The following DAAM1 variants were observed in gnomAD, a reference collection of about 807,000 sequenced individuals.
DAAM1 encodes the protein dishevelled associated activator of morphogenesis 1, also known as disheveled-associated activator of morphogenesis 1.
A neutral mutation model predicts 130.0 loss-of-function variants in DAAM1; 52 were observed. That is an observed-to-expected ratio of 0.40 (90% CI 0.32 to 0.50). The LOEUF (loss-of-function observed/expected upper bound fraction) is 0.50, where lower values mean the gene tolerates loss of function less well. Among genes scored for constraint, DAAM1 ranks in the 20% least tolerant of loss-of-function variants. DAAM1 has a pLI of 0.61. For missense variants in DAAM1, 1,134 were observed against 1,303.8 expected, an observed-to-expected ratio of 0.87 and a Z score of 2.01; for synonymous variants, 452 against 444.5, an observed-to-expected ratio of 1.02 and a Z score of -0.21.
intron 2 of DAAM1, among the ~76,000 whole-genome samples, chr14:59,282,047 T>G (rs1379883705): frequency 2.0e-4 from 31 of 152,202 alleles, no homozygotes; most frequent in Admixed American, 2.0e-3. Context: ...GTTCATTGTC[T>G]GCAGTGCTTT....
intron 1 of DAAM1, among the ~76,000 whole-genome samples, chr14:59,259,926 C>A (rs906468397): frequency 1.3e-5 from 2 of 152,144 alleles, no homozygotes; most frequent in Non-Finnish European, 2.9e-5. Context: ...CGTCTATAGT[C>A]CCAGCTACTG....
chr14:59,292,761 C>T (rs1309570015), intron 3 of DAAM1, among the ~76,000 whole-genome samples: 1 of 152,152 alleles, frequency 6.6e-6, no homozygotes, highest in African/African-American at 2.4e-5. Flanking sequence ...GATCTCTGAG[C>T]CTCTATCAGA....
intron 1 of DAAM1, among the ~76,000 whole-genome samples, chr14:59,248,462 G>A (rs1881494178): frequency 6.6e-6 from 1 of 152,146 alleles, no homozygotes; most frequent in Admixed American, 6.5e-5. Context: ...AGAAGTGTTT[G>A]TTTAGCTATG....
At chr14:59,281,588 A>G (rs1372188083) in intron 2 of DAAM1, among the ~76,000 whole-genome samples, 1 of 152,040 alleles carries the variant, frequency 6.6e-6, no homozygotes, top group Admixed American at 6.6e-5. Flanking sequence ...CATGTCATGA[A>G]GGGACCTTTA....
intron 16 of DAAM1, among the ~76,000 whole-genome samples, chr14:59,344,950 A>G (rs1460402022): frequency 1.4e-5 from 2 of 142,050 alleles, no homozygotes; most frequent in Non-Finnish European, 3.0e-5. Context: ...ACACAGAACT[A>G]ATTTTTTTTT....
rs376120007 is a variant in DAAM1, at chr14:59,368,670, G to C, written c.3018G>C (p.Arg1006Ser). The C allele has an allele frequency of 6.2e-7, 1 of 1,613,090 alleles. No individual in the cohort carries two copies. The highest frequency in any genetic ancestry group is 1.3e-5 in the African/African-American group (1 of 74,854). The change falls in exon 25 of 25, where the codon AGG (arginine) becomes AGC (serine). Residue 1006 changes from arginine (R) to serine (S), a missense_variant. Arg to Ser is a moderately radical substitution (Grantham distance 110). Coordinates refer to ENST00000360909, the MANE Select transcript of DAAM1 (RefSeq NM_001270520.2). ...MEAQLKEQRE[R>S]ERKMRKAKEN... ...TGCAGCTCAAAGAACAACGTGAAAG[G>C]GAACGTAAAATGAGAAAAGCTAAAG...
chr14:59,268,060 G>A (rs901749006), intron 2 of DAAM1, among the ~76,000 whole-genome samples: 5 of 152,004 alleles, frequency 3.3e-5, no homozygotes, highest in South Asian at 2.1e-4. Context: ...GCACCACTGC[G>A]CCCAGCTATT....
intron 1 of DAAM1, among the ~76,000 whole-genome samples, chr14:59,262,370 TC>T (rs1425964765): frequency 6.6e-6 from 1 of 152,310 alleles, no homozygotes; most frequent in East Asian, 1.9e-4. Context: ...TGGAAATCTT[TC>T]CAAGGCAATA....
chr14:59,364,314 G>C (rs558847595), intron 23 of DAAM1, among the ~76,000 whole-genome samples: 1 of 151,752 alleles, frequency 6.6e-6, no homozygotes, highest in East Asian at 1.9e-4. Flanking sequence ...TTAATTCACA[G>C]TCTCATTACA....
Position 59,203,022 on chromosome 14 carries a change from C to T in DAAM1, c.-38+14254C>T, listed in dbSNP as rs867281246. 8.0e-5 allele frequency among the ~76,000 whole-genome samples: 12 copies of T among 150,646 alleles called. No individual in the cohort carries two copies. The Middle Eastern group carries it at 0.017, about 215-fold the overall frequency. On this transcript the variant is annotated intron_variant, in intron 1 of 24. Transcript: ENST00000360909. ...TTTTTTTTTTTTTGAGATGGAACCT[C>T]GCTCTGTCACCCAGGCTGGAGTGCA...
chr14:59,275,070 T>C lies in DAAM1; in HGVS notation c.183+11410T>C, dbSNP rs993282484. Among the ~76,000 whole-genome samples, 321 of 152,294 alleles carry C rather than the reference T, an allele frequency of 2.1e-3. 1 individual carries two copies. The highest frequency in any genetic ancestry group is 7.2e-3 in the African/African-American group (301 of 41,570). On this transcript the variant is annotated intron_variant, in intron 2 of 24. Transcript: ENST00000360909. ...TCCTCTTGAGGGTGTGGGAGGGGCC[T>C]GGGCTGGCAAGAGCAGTGCTGGTGC...
intron 15 of DAAM1, chr14:59,338,443 T>C (rs752132913): frequency 6.2e-7 from 1 of 1,611,560 alleles, no homozygotes; most frequent in South Asian, 1.1e-5. Context: ...AAAGCTTGCT[T>C]AATATAACTC....
At chr14:59,294,031 T>A (rs1209331648) in intron 3 of DAAM1, among the ~76,000 whole-genome samples, 1 of 152,138 alleles carries the variant, frequency 6.6e-6, no homozygotes, top group African/African-American at 2.4e-5. Context: ...AAAGCTACAC[T>A]CCCAGGGCTC....
chr14:59,263,487 A>G lies in DAAM1; in HGVS notation c.10A>G (p.Arg4Gly). 1 of 1,614,220 alleles carries G rather than the reference A, an allele frequency of 6.2e-7. No homozygotes were observed. The highest frequency in any genetic ancestry group is 8.5e-7 in the Non-Finnish European group (1 of 1,180,032). ...AGAACAGAATTCAGCCATGGCCCCA[A>G]GAAAGAGAGGTGGACGAGGTATTTC... is the stretch of plus-strand genomic sequence containing the variant. MAP[R>G]KRGGRGISFI... Residue 4 changes from arginine (R) to glycine (G), a missense_variant, in exon 2 of 25, where the codon AGA becomes GGA. Transcript: ENST00000360909.
At chr14:59,203,967 C>T (rs560593975) in intron 1 of DAAM1, among the ~76,000 whole-genome samples, 5 of 152,296 alleles carry the variant, frequency 3.3e-5, no homozygotes, top group Admixed American at 1.3e-4. Context: ...GATTCATGAT[C>T]GTCTGTGAAA....
chr14:59,258,413 T>C (rs1185505766), intron 1 of DAAM1, among the ~76,000 whole-genome samples: 2 of 152,186 alleles, frequency 1.3e-5, no homozygotes, highest in Non-Finnish European at 2.9e-5. Context: ...TCTGTCTTCC[T>C]GATGGCCCAC....
At position 59,273,834 on chromosome 14, in the gene DAAM1, A is replaced by G. The variant is rs567502292; in HGVS notation, c.183+10174A>G. 3.3e-5 allele frequency among the ~76,000 whole-genome samples: 5 copies of G among 152,330 alleles called. No homozygotes were observed. The East Asian group carries it at 9.6e-4, about 29-fold the overall frequency. On this transcript the variant is annotated intron_variant, in intron 2 of 24. Transcript: ENST00000360909. Reference sequence around the variant, plus strand: ...TGTGCAATTAACTGTACATAAGAATATATCTTGATGCTCTGGGAATTATCT... The same window carrying G: ...TGTGCAATTAACTGTACATAAGAATGTATCTTGATGCTCTGGGAATTATCT...
intron 1 of DAAM1, among the ~76,000 whole-genome samples, chr14:59,248,328 GTTTTGTTTT>G (rs1366187642): frequency 4.0e-5 from 6 of 151,242 alleles, no homozygotes; most frequent in African/African-American, 1.5e-4. Flanking sequence ...GTTTTGTTTT[GTTTTGTTTT>G]GTTTTGTTTT....
Position 59,367,301 on chromosome 14 carries a change from AAT to A in DAAM1, c.2827-126_2827-125del, listed in dbSNP as rs1594856060. The A allele has an allele frequency of 2.8e-5, 40 of 1,411,298 alleles. No homozygotes were observed. In the East Asian group the frequency reaches 1.0e-3, roughly 36 times the overall value. 87.4% of individuals were successfully genotyped at this position (1,411,298 alleles called of 1,614,324 possible). A position where few individuals can be genotyped will look rare whatever the true frequency, so the allele number is the denominator to read the frequency against. Reference sequence around the variant, plus strand: ...ACTCCATCTCCAAAAGAAAGAAAGAAATAAAAATAAATGAGCAAACAAAACTT... The same window carrying A: ...ACTCCATCTCCAAAAGAAAGAAAGAAAAAAATAAATGAGCAAACAAAACTT... On this transcript the variant is annotated intron_variant, in intron 23 of 24. Coordinates refer to ENST00000360909, the MANE Select transcript of DAAM1 (RefSeq NM_001270520.2).
Sources: allele counts gnomAD v4.1 joint callset (sites outside exome capture counted in the v4.1 genomes callset), GRCh38; gene constraint gnomAD v4.1.1; transcripts MANE v1.5; gene names NCBI Gene and HGNC (gene_info 2026-07-23, HGNC 2026-07-21).